AKAP6: variants seen among roughly 807,000 people sequenced by gnomAD.
The protein encoded by AKAP6 is A-kinase anchor protein 6.
Under a neutral mutation model 188.5 loss-of-function variants are expected in AKAP6, and 58 were observed. The ratio of observed to expected loss-of-function variants is 0.31; its 90% CI spans 0.25 to 0.38. The LOEUF is 0.38. Ranked by LOEUF, AKAP6 falls within the 10% of genes least tolerant of loss-of-function variation. The pLI, the probability that AKAP6 is intolerant of heterozygous loss-of-function variation, is 1.00. For missense variants in AKAP6, 2,710 were observed against 2,740.0 expected (o/e 0.99, Z 0.24); for synonymous variants, 989 against 998.6 (o/e 0.99, Z 0.18).
chr14:32,746,074 C>G (rs1173226089), intron 11 of AKAP6, among the ~76,000 whole-genome samples: 2 of 152,128 alleles, frequency 1.3e-5, no homozygotes, highest in African/African-American at 2.4e-5. Flanking sequence ...AGTGGGCTCC[C>G]CTCTGGCCCA....
At chr14:32,637,175 T>A (rs1400888569) in intron 7 of AKAP6, among the ~76,000 whole-genome samples, 1 of 152,146 alleles carries the variant, frequency 6.6e-6, no homozygotes, top group African/African-American at 2.4e-5. Flanking sequence ...ACATAGGGCC[T>A]AGTACGTAGA....
chr14:32,495,175 G>A (rs2138960947), intron 2 of AKAP6: 1 of 152,314 alleles, frequency 6.6e-6, no homozygotes, highest in South Asian at 2.1e-4. Flanking sequence ...TGGAAAGAAA[G>A]TCATATGTTA....
intron 2 of AKAP6, among the ~76,000 whole-genome samples, chr14:32,487,074 T>A (rs1879736776): frequency 6.6e-6 from 1 of 152,214 alleles, no homozygotes; most frequent in African/African-American, 2.4e-5. Context: ...GTTGAGATAA[T>A]CATGTGGTTT....
intron 7 of AKAP6, among the ~76,000 whole-genome samples, chr14:32,630,400 G>A (rs1460763081): frequency 1.3e-5 from 2 of 151,928 alleles, no homozygotes; most frequent in Non-Finnish European, 2.9e-5. Flanking sequence ...AGGAAAAAAA[G>A]GCAATATAAT....
At chr14:32,812,032 G>C (rs1013096264) in intron 12 of AKAP6, among the ~76,000 whole-genome samples, 1 of 152,160 alleles carries the variant, frequency 6.6e-6, no homozygotes, top group Non-Finnish European at 1.5e-5. Flanking sequence ...TCATAAAGGA[G>C]GGAGAAGGGT....
At chr14:32,538,935 A>T (rs543926193) in intron 3 of AKAP6, among the ~76,000 whole-genome samples, 1 of 152,328 alleles carries the variant, frequency 6.6e-6, no homozygotes, top group Non-Finnish European at 1.5e-5. Flanking sequence ...AATAAAACAA[A>T]ACCAGTTTTT....
At chr14:32,415,011 C>T (rs1272988282) in intron 1 of AKAP6, among the ~76,000 whole-genome samples, 1 of 152,132 alleles carries the variant, frequency 6.6e-6, no homozygotes, top group Non-Finnish European at 1.5e-5. Flanking sequence ...TGATTATAAC[C>T]TAAGAAAGAG....
At chr14:32,355,971 G>T (rs1227125745) in intron 1 of AKAP6, among the ~76,000 whole-genome samples, 2 of 151,894 alleles carry the variant, frequency 1.3e-5, no homozygotes, top group African/African-American at 4.8e-5. Flanking sequence ...TAAAGACGGG[G>T]TTTCACCATG....
chr14:32,462,334 G>T (rs1891355773), intron 2 of AKAP6, among the ~76,000 whole-genome samples: 1 of 152,098 alleles, frequency 6.6e-6, no homozygotes, highest in South Asian at 2.1e-4. Flanking sequence ...CAGAGAGAAA[G>T]GTCAGGTTAC....
At chr14:32,359,111 T>C (rs1430315139) in intron 1 of AKAP6, among the ~76,000 whole-genome samples, 1 of 152,084 alleles carries the variant, frequency 6.6e-6, no homozygotes, top group Admixed American at 6.5e-5. Flanking sequence ...TCTGTAGAGT[T>C]GCCAAAAAGA....
In AKAP6 at chr14:32,510,492, A is replaced by ACG. The variant is rs1881200996; in HGVS notation, c.325-25062_325-25061insCG. ...TATATATATACATATATATATGTGT[A>ACG]TATATATATATATGAAGAATTACCT... On this transcript the variant is annotated intron_variant, in intron 2 of 13. Transcript: ENST00000280979. 5.3e-5 allele frequency among the ~76,000 whole-genome samples: 6 copies of ACG among 113,444 alleles called. 1 individual carries two copies. Among genetic ancestry groups the ACG allele is most frequent in the African/African-American group, 2.3e-4 (6 of 25,984 alleles). The allele number at this position is 113,444 out of a possible 152,430, so 74.4% of individuals were successfully genotyped here.
At chr14:32,504,422 A>G (rs954262061) in intron 2 of AKAP6, among the ~76,000 whole-genome samples, 1 of 152,096 alleles carries the variant, frequency 6.6e-6, no homozygotes, top group Non-Finnish European at 1.5e-5. Context: ...CTGGCACTAC[A>G]GGTGTGTGCC....
intron 11 of AKAP6, among the ~76,000 whole-genome samples, chr14:32,745,092 A>G (rs189925747): frequency 1.8e-4 from 27 of 152,062 alleles, no homozygotes; most frequent in African/African-American, 6.0e-4. Context: ...TTTCTCCTGG[A>G]CTGGTCTCTT....
Position 32,546,303 on chromosome 14 carries a change from C to A in AKAP6, c.1650C>A (p.Ser550=), listed in dbSNP as rs1352574906. The A allele has an allele frequency of 1.9e-6, 3 of 1,614,168 alleles. No individual in the cohort carries two copies. The Admixed American group carries it at 5.0e-5, about 27-fold the overall frequency. ...AIEGPQTNSA[S]TSSLEPCNQR... Reference sequence around the variant, plus strand: ...AGGGGCCACAAACAAATTCTGCTTCCACATCCTCACTTGAGCCTTGTAATC... The same window carrying A: ...AGGGGCCACAAACAAATTCTGCTTCAACATCCTCACTTGAGCCTTGTAATC... Residue 550 remains serine, a synonymous_variant, in exon 4 of 14, where the codon TCC becomes TCA. Coordinates refer to ENST00000280979, the MANE Select transcript of AKAP6 (RefSeq NM_004274.5).
intron 11 of AKAP6, among the ~76,000 whole-genome samples, chr14:32,746,847 T>C (rs948535961): frequency 6.6e-6 from 1 of 152,186 alleles, no homozygotes; most frequent in African/African-American, 2.4e-5. Flanking sequence ...TTGTTCCTTA[T>C]TCCATTCTGA....
intron 1 of AKAP6, among the ~76,000 whole-genome samples, chr14:32,393,312 T>G (rs1197191396): frequency 6.6e-6 from 1 of 152,012 alleles, no homozygotes; most frequent in Admixed American, 6.6e-5. Context: ...TGAGCAAAGA[T>G]CAAACAAACC....
At chr14:32,433,238 G>C (rs770995036) in intron 1 of AKAP6, 3 of 419,730 alleles carry the variant, frequency 7.1e-6, no homozygotes, top group South Asian at 6.1e-5. Flanking sequence ...GGTGGGGGGA[G>C]AGTAGTCAAT....
At chr14:32,555,288 T>C (rs1303889807) in intron 4 of AKAP6, among the ~76,000 whole-genome samples, 1 of 151,650 alleles carries the variant, frequency 6.6e-6, no homozygotes. Flanking sequence ...AGTACCTGTG[T>C]ATAATGAAGG....
chr14:32,491,452 A>G (rs1880008201), intron 2 of AKAP6, among the ~76,000 whole-genome samples: 1 of 152,214 alleles, frequency 6.6e-6, no homozygotes, highest in African/African-American at 2.4e-5. Flanking sequence ...TACTGTGCTT[A>G]AAATCCAAAA....
Sources: allele counts gnomAD v4.1 joint callset (sites outside exome capture counted in the v4.1 genomes callset), GRCh38; gene constraint gnomAD v4.1.1; transcripts MANE v1.5; gene names NCBI Gene and HGNC (gene_info 2026-07-23, HGNC 2026-07-21).